The following DENND2D variants were observed in gnomAD, a reference collection of about 807,000 sequenced individuals.
DENND2D encodes the protein DENN domain-containing protein 2D.
Under a neutral mutation model 59.8 loss-of-function variants are expected in DENND2D, and 37 were observed. That is an observed-to-expected ratio of 0.62 (90% CI 0.48 to 0.81). The LOEUF (loss-of-function observed/expected upper bound fraction) is 0.81, where lower values mean the gene tolerates loss of function less well. Ranked by LOEUF, DENND2D falls within the 40% of genes least tolerant of loss-of-function variation. The pLI, the probability that DENND2D is intolerant of heterozygous loss-of-function variation, is 0.00. For synonymous variants in DENND2D, 219 were observed against 211.3 expected (o/e 1.04, Z -0.31); for missense variants, 525 against 579.7 (o/e 0.91, Z 0.97).
At position 111,195,989 on chromosome 1, in the gene DENND2D, A is replaced by G; in HGVS notation, c.572T>C (p.Leu191Pro). 6.2e-7 allele frequency: 1 copy of G among 1,614,078 alleles called. No individual in the cohort carries two copies. The highest frequency in any genetic ancestry group is 8.5e-7 in the Non-Finnish European group (1 of 1,180,012). ...MAVIYPFMQG[L>P]REAAFPAPGK... ...AGGAGCAGGGAAGGCTGCCTCTCGG[A>G]GGCCCTGCATGAACGGGTAGATGAC... is the stretch of plus-strand genomic sequence containing the variant. Residue 191 changes from leucine to proline, a missense_variant, in exon 6 of 12, where the codon CTC becomes CCC. Physicochemically the swap from Leu to Pro is moderately conservative, Grantham distance 98 (BLOSUM62 -3). This residue lies in a region of DENND2D where 253 missense variants were observed against 246.4 expected (regional missense o/e 1.03). Transcript: ENST00000357640.
At chr1:111,201,996 C>G (rs1239292300), upstream of DENND2D, among the ~76,000 whole-genome samples, 1 of 152,204 alleles carries the variant, frequency 6.6e-6, no homozygotes, top group African/African-American at 2.4e-5. Flanking sequence ...GATGGGGAAA[C>G]TGAGGCATAA....
chr1:111,190,163 C>CAAAAAA lies in DENND2D; in HGVS notation c.973-916_973-911dup, dbSNP rs533745407. 1.1e-3 allele frequency among the ~76,000 whole-genome samples: 91 copies of CAAAAAA among 85,216 alleles called. 1 individual carries two copies. Among genetic ancestry groups the CAAAAAA allele is most frequent in the South Asian group, 9.4e-3 (20 of 2,132 alleles). 55.9% of individuals were successfully genotyped at this position (85,216 alleles called of 152,430 possible). A position where few individuals can be genotyped will look rare whatever the true frequency, so the allele number is the denominator to read the frequency against. On this transcript the variant is annotated intron_variant, in intron 8 of 11. Coordinates refer to ENST00000357640, the MANE Select transcript of DENND2D (RefSeq NM_024901.5). ...TGGGCGACACAGCGAGACTCTGTCT[C>CAAAAAA]AAAAAAAAAAAAAAAAAAAACTACC... is the stretch of plus-strand genomic sequence containing the variant.
At chr1:111,204,068 C>A, upstream of DENND2D, 2 of 318,368 alleles carry the variant, frequency 6.3e-6, no homozygotes, top group Non-Finnish European at 5.7e-6. Flanking sequence ...GCCTCCCCCT[C>A]GCCCCCTCAG....
intron 8 of DENND2D, among the ~76,000 whole-genome samples, chr1:111,189,961 G>A (rs896492383): frequency 3.9e-5 from 6 of 151,994 alleles, no homozygotes; most frequent in Non-Finnish European, 5.9e-5. Flanking sequence ...TCAGGAGATC[G>A]AGACCATCCT....
Position 111,195,929 on chromosome 1 carries a change from T to A in DENND2D, c.632A>T (p.Asp211Val), listed in dbSNP as rs754925518. 2.5e-6 allele frequency: 4 copies of A among 1,613,850 alleles called. No individual in the cohort carries two copies. Among genetic ancestry groups the A allele is most frequent in the Non-Finnish European group, 3.4e-6 (4 of 1,179,936 alleles). The stretch of plus-strand genomic sequence containing the variant: ...TTGCTAACCCACCTCAGTGCCTGAG[T>A]CGGGGATGAAGCTCTTGAGAGTGAC... ...KTVTLKSFIPDSGTEFISLTR... is the reference protein window; with the variant it reads ...KTVTLKSFIPVSGTEFISLTR... The change falls in exon 6 of 12, where the codon GAC (aspartate) becomes GTC (valine). Residue 211 changes from aspartate (D) to valine (V), a missense_variant. Around this residue, in one of 3 missense-constraint regions of DENND2D, gnomAD observed 47 missense variants for 80.9 expected, o/e 0.58. Transcript: ENST00000357640.
chr1:111,189,638 C>T (rs924928375), intron 8 of DENND2D, among the ~76,000 whole-genome samples: 2 of 152,162 alleles, frequency 1.3e-5, no homozygotes, highest in Admixed American at 6.5e-5. Context: ...GCAACAGTCC[C>T]GTGAGGCAGA....
upstream of DENND2D, among the ~76,000 whole-genome samples, chr1:111,203,837 A>C (rs1659041890): frequency 2.0e-5 from 3 of 150,922 alleles, no homozygotes; most frequent in African/African-American, 7.3e-5. Flanking sequence ...TCTGCTGGGC[A>C]GGGGCAGGGG....
In DENND2D at chr1:111,187,439, AG is replaced by A; in HGVS notation, c.*165del. On this transcript the variant is annotated 3_prime_UTR_variant, in exon 12 of 12. Coordinates refer to ENST00000357640, the MANE Select transcript of DENND2D (RefSeq NM_024901.5). ...TCCAAAGTCCTGAGAAATCAATACC[AG>A]GGATCCAAATCTCAGACACCAGTTT... is the stretch of plus-strand genomic sequence containing the variant. The A allele has an allele frequency of 1.6e-6, 1 of 622,492 alleles. No homozygotes were observed. The highest frequency in any genetic ancestry group is 2.9e-6 in the Non-Finnish European group (1 of 348,342). 38.6% of individuals were successfully genotyped at this position (622,492 alleles called of 1,614,324 possible). A position where few individuals can be genotyped will look rare whatever the true frequency, so the allele number is the denominator to read the frequency against.
chr1:111,192,794 GAGAGGCAAAGC>G (rs1657900059), intron 7 of DENND2D, among the ~76,000 whole-genome samples: 1 of 152,096 alleles, frequency 6.6e-6, no homozygotes, highest in East Asian at 1.9e-4. Context: ...AGGCTCAGCC[GAGAGGCAAAGC>G]CTTTTTACCT....
In DENND2D at chr1:111,186,514, A is replaced by G. The variant is rs1657259125; in HGVS notation, c.*1091T>C. Among the ~76,000 whole-genome samples, 2 of 152,318 alleles carry G rather than the reference A, an allele frequency of 1.3e-5. No individual in the cohort carries two copies. The highest frequency in any genetic ancestry group is 2.1e-4 in the South Asian group (1 of 4,826). Reference sequence around the variant, plus strand: ...ACTTCTGAGGGCCACAAATACACACATTAAAAAAGGTAGAATTTTTGAAGA... The same window carrying G: ...ACTTCTGAGGGCCACAAATACACACGTTAAAAAAGGTAGAATTTTTGAAGA... On this transcript the variant is annotated 3_prime_UTR_variant, in exon 12 of 12. Transcript: ENST00000357640.
At chr1:111,196,087 C>T (rs1244292780) in intron 5 of DENND2D, 31 bp from the exon 6 acceptor site, 1 of 1,579,198 alleles carries the variant, frequency 6.3e-7, no homozygotes, top group East Asian at 2.2e-5. Context: ...GGAGGCACGG[C>T]TCAAAGGGAC....
At chr1:111,195,034 C>T (rs1658097872) in intron 6 of DENND2D, 2 of 365,482 alleles carry the variant, frequency 5.5e-6, no homozygotes, top group Non-Finnish European at 1.0e-5. Flanking sequence ...CAGTGAGGGC[C>T]CTCCTCCTGC....
Position 111,193,354 on chromosome 1 carries a change from G to A in DENND2D, c.795-1037C>T, listed in dbSNP as rs931173963. On this transcript the variant is annotated intron_variant, in intron 7 of 11. Transcript: ENST00000357640. ...TTCCCTGAAGAAAGTAAACGTCTGA[G>A]AGGTGAATCCTGCCGACCTCCACTT... 3.3e-5 allele frequency among the ~76,000 whole-genome samples: 5 copies of A among 152,204 alleles called. No homozygotes were observed. The South Asian group carries it at 1.0e-3, about 32-fold the overall frequency.
intron 1 of DENND2D, 192 bp downstream of exon 1, chr1:111,200,201 A>AC (rs1441992947): frequency 1.5e-6 from 1 of 684,326 alleles, no homozygotes; most frequent in African/African-American, 1.8e-5. Flanking sequence ...TGTGACTGTG[A>AC]CCACACTAGC....
intron 7 of DENND2D, among the ~76,000 whole-genome samples, chr1:111,193,936 G>A (rs1657990035): frequency 1.3e-5 from 2 of 152,212 alleles, no homozygotes. Context: ...TCAGCAGGGT[G>A]TTAGGTACCT....
intron 2 of DENND2D, among the ~76,000 whole-genome samples, chr1:111,199,089 C>A (rs1033833930): frequency 1.3e-5 from 2 of 152,200 alleles, no homozygotes; most frequent in Non-Finnish European, 2.9e-5. Context: ...CAGAGAGGTA[C>A]CACATCAGAG....
intron 4 of DENND2D, 90 bp from the exon 5 acceptor site, chr1:111,197,343 G>C: frequency 2.0e-6 from 3 of 1,535,138 alleles, no homozygotes; most frequent in Middle Eastern, 1.9e-4. Context: ...GCTGAGGGCT[G>C]GGGAGGGGGA....
chr1:111,198,596 A>G (rs748353437), intron 3 of DENND2D, 34 bp downstream of exon 3: 1 of 1,606,382 alleles, frequency 6.2e-7, no homozygotes. Flanking sequence ...CTTCTCCCCA[A>G]ATCCAATACC....
intron 3 of DENND2D, 64 bp from the exon 4 acceptor site, chr1:111,198,053 C>A: frequency 6.5e-7 from 1 of 1,545,876 alleles, no homozygotes; most frequent in South Asian, 1.2e-5. Flanking sequence ...GGAAAGTGGT[C>A]AGCACTAGAG....
Sources: gnomAD v4.1 joint callset for allele counts (sites outside exome capture counted in the v4.1 genomes callset) on GRCh38, gnomAD v4.1.1 for gene constraint, gnomAD v4.1.1 regional missense constraint, MANE v1.5 for transcripts, NCBI Gene and HGNC (gene_info 2026-07-23, HGNC 2026-07-21) for gene names.